FAM53A: variants seen among roughly 807,000 people sequenced by gnomAD.
FAM53A encodes family with sequence similarity 53 member A.
Under a neutral mutation model 26.6 loss-of-function variants are expected in FAM53A, and 28 were observed. The ratio of observed to expected loss-of-function variants is 1.05; its 90% confidence interval spans 0.78 to 1.45. FAM53A has a LOEUF of 1.45. FAM53A is among the 40% of genes most tolerant of loss of function. The pLI, the probability that FAM53A is intolerant of heterozygous loss-of-function variation, is 0.00. For missense variants in FAM53A, 650 were observed against 575.8 expected, an observed-to-expected ratio of 1.13 and a Z score of -1.32; for synonymous variants, 290 against 253.1, an observed-to-expected ratio of 1.15 and a Z score of -1.38.
intron 4 of FAM53A, chr4:1,644,045 G>A: frequency 1.8e-6 from 2 of 1,108,502 alleles, no homozygotes; most frequent in Non-Finnish European, 2.5e-6. Flanking sequence ...ATGGCGTGGA[G>A]GTCCGGGTCT....
intron 4 of FAM53A, among the ~76,000 whole-genome samples, chr4:1,646,263 C>A (rs545834105): frequency 6.6e-6 from 1 of 152,186 alleles, no homozygotes; most frequent in East Asian, 1.9e-4. Flanking sequence ...ACCATGCCGG[C>A]TAATTTTTTG....
chr4:1,657,959 T>A (rs1163854247), intron 2 of FAM53A, among the ~76,000 whole-genome samples: 1 of 147,736 alleles, frequency 6.8e-6, no homozygotes, highest in Non-Finnish European at 1.5e-5. Flanking sequence ...ATTTTTAAAT[T>A]TTTTAAAAAA....
chr4:1,603,217 G>A, the FAM53A span, among the ~76,000 whole-genome samples: 4 of 152,128 alleles, frequency 2.6e-5, no homozygotes, highest in Non-Finnish European at 4.4e-5. Context: ...GCCTGCAGGC[G>A]TGGGGCCACC....
chr4:1,612,378 G>A, the FAM53A span, among the ~76,000 whole-genome samples: 3 of 152,180 alleles, frequency 2.0e-5, no homozygotes, highest in African/African-American at 7.2e-5. Context: ...TGGCTACTGG[G>A]CTCCCGCCAG....
At chr4:1,670,964 C>G (rs1015156220) in intron 1 of FAM53A, among the ~76,000 whole-genome samples, 1 of 146,450 alleles carries the variant, frequency 6.8e-6, no homozygotes, top group African/African-American at 2.5e-5. Context: ...CCCCAGCTCA[C>G]AGCCACAGCC....
chr4:1,629,668 G>A (rs1224213967), intron 1 of FAM53A, among the ~76,000 whole-genome samples: 1 of 152,232 alleles, frequency 6.6e-6, no homozygotes, highest in Non-Finnish European at 1.5e-5. Flanking sequence ...GAGTACAAGG[G>A]GGACTCCCAG....
chr4:1,612,691 C>T, the FAM53A span, among the ~76,000 whole-genome samples: 51 of 152,340 alleles, frequency 3.3e-4, no homozygotes, highest in Non-Finnish European at 5.0e-4. Context: ...CACTGACACA[C>T]GGCACCCACA....
intron 2 of FAM53A, among the ~76,000 whole-genome samples, chr4:1,658,295 C>T (rs1458443355): frequency 6.6e-6 from 1 of 152,254 alleles, no homozygotes; most frequent in African/African-American, 2.4e-5. Context: ...GCTGGAATTA[C>T]AGGTGTGAGC....
At chr4:1,596,599 T>G in the FAM53A span, among the ~76,000 whole-genome samples, 16 of 152,166 alleles carry the variant, frequency 1.1e-4, no homozygotes, top group Admixed American at 9.2e-4. Context: ...AGGCATGCCC[T>G]CTACAGGGAC....
intron 1 of FAM53A, among the ~76,000 whole-genome samples, chr4:1,673,797 T>C (rs943476986): frequency 6.6e-6 from 1 of 152,164 alleles, no homozygotes; most frequent in African/African-American, 2.4e-5. Flanking sequence ...GCAGCGCCAA[T>C]GCGGAGCACC....
the FAM53A span, among the ~76,000 whole-genome samples, chr4:1,581,661 G>A: frequency 1.6e-4 from 24 of 152,312 alleles, no homozygotes; most frequent in South Asian, 5.0e-3. Context: ...CAATGGGGCA[G>A]TCTTGGCTCA....
chr4:1,616,114 C>T (rs1281378029), downstream of FAM53A, among the ~76,000 whole-genome samples: 1 of 152,182 alleles, frequency 6.6e-6, no homozygotes, highest in Non-Finnish European at 1.5e-5. Context: ...AATCAAGACA[C>T]CGGCAAGACG....
downstream of FAM53A, among the ~76,000 whole-genome samples, chr4:1,638,919 C>T (rs1281156031): frequency 3.9e-5 from 6 of 152,204 alleles, no homozygotes; most frequent in African/African-American, 7.2e-5. Context: ...CACCATCCAG[C>T]GGGAGGGGAC....
At chr4:1,624,689 G>A (rs1334693134) in intron 1 of FAM53A, among the ~76,000 whole-genome samples, 3 of 152,214 alleles carry the variant, frequency 2.0e-5, no homozygotes, top group Non-Finnish European at 2.9e-5. Flanking sequence ...GTACCGCCAC[G>A]CTGCGGGTCT....
intron 1 of FAM53A, among the ~76,000 whole-genome samples, chr4:1,669,625 A>G (rs1274774438): frequency 6.6e-6 from 1 of 152,190 alleles, no homozygotes; most frequent in African/African-American, 2.4e-5. Flanking sequence ...TCAGGGTCCC[A>G]CTGTTGGGTG....
downstream of FAM53A, among the ~76,000 whole-genome samples, chr4:1,615,442 C>G (rs939379592): frequency 1.2e-4 from 18 of 144,078 alleles, no homozygotes; most frequent in Non-Finnish European, 1.5e-5. Context: ...TGCGGCCACA[C>G]CCACCCTACG....
At chr4:1,642,322 C>T (rs1025955213) in intron 4 of FAM53A, among the ~76,000 whole-genome samples, 1 of 152,308 alleles carries the variant, frequency 6.6e-6, no homozygotes, top group Admixed American at 6.5e-5. Flanking sequence ...AGGCGAGTAG[C>T]TTCCAGTACC....
upstream of FAM53A, among the ~76,000 whole-genome samples, chr4:1,684,574 C>T (rs1186421317): frequency 6.6e-6 from 1 of 151,766 alleles, no homozygotes. Context: ...GCCTGGCACT[C>T]GGCGGCGTCC....
chr4:1,617,933 C>A, exon 2 of FAM53A: 1 of 418,694 alleles, frequency 2.4e-6, no homozygotes, highest in Non-Finnish European at 4.9e-6. Flanking sequence ...AGCAGCAACT[C>A]CTTCACCAAG....
Sources: gnomAD v4.1 joint callset for allele counts (sites outside exome capture counted in the v4.1 genomes callset) on GRCh38, gnomAD v4.1.1 for gene constraint, MANE v1.5 for transcripts, NCBI Gene and HGNC (gene_info 2026-07-23, HGNC 2026-07-21) for gene names.